Variants in CSMD2 observed in about 807,000 individuals in gnomAD.
CSMD2 encodes the protein CUB and Sushi multiple domains 2.
Under a neutral mutation model 398.5 loss-of-function variants are expected in CSMD2, and 130 were observed. The observed-to-expected ratio is 0.33, with a 90% CI of 0.28 to 0.38. The LOEUF is 0.38. Ranked by LOEUF, CSMD2 falls within the 10% of genes least tolerant of loss-of-function variation. The pLI is 1.00. For synonymous variants in CSMD2, 1,828 were observed against 1,908.5 expected, an observed-to-expected ratio of 0.96 and a Z score of 1.10; for missense variants, 3,829 against 4,764.9, an observed-to-expected ratio of 0.80 and a Z score of 5.78.
rs539911519 is a variant in CSMD2 at position 33,830,988 on chromosome 1, A to C, written c.1034-5214T>G. On this transcript the variant is annotated intron_variant, in intron 6 of 70. Transcript: ENST00000373381. ...AAAGAATAAAAAGAAACGAACAAAG[A>C]TTCCAAGAAATATGGGACTATGTGA... 2.9e-3 allele frequency among the ~76,000 whole-genome samples: 441 copies of C among 152,326 alleles called. 2 individuals are homozygous for C. The highest frequency in any genetic ancestry group is 9.8e-3 in the African/African-American group (407 of 41,572).
At chr1:33,731,188 A>G (rs912884139) in intron 15 of CSMD2, among the ~76,000 whole-genome samples, 2 of 152,232 alleles carry the variant, frequency 1.3e-5, no homozygotes, top group East Asian at 1.9e-4. Context: ...CAACTCATTA[A>G]TACAAAAACC....
Position 33,577,427 on chromosome 1 carries a change from C to T in CSMD2, c.7445G>A (p.Ser2482Asn). ...GTGGATGGAGCCCCCGGGCTGGGTG[C>T]TGGTCTGGCCTAGGATGAAGCCATG... Reference protein sequence around the residue: ...PLHGFILGQTSTQPGGSIHFG... With the variant: ...PLHGFILGQTNTQPGGSIHFG... Residue 2482 changes from serine (S) to asparagine (N), a missense_variant, in exon 49 of 71, where the codon AGC (serine) becomes AAC (asparagine). Ser to Asn is a conservative substitution (Grantham distance 46, BLOSUM62 1). Coordinates refer to ENST00000373381, the MANE Select transcript of CSMD2 (RefSeq NM_001281956.2). 6.2e-7 allele frequency: 1 copy of T among 1,614,076 alleles called. No individual in the cohort carries two copies.
At chr1:33,736,236 C>T (rs1646880377) in intron 15 of CSMD2, among the ~76,000 whole-genome samples, 1 of 152,152 alleles carries the variant, frequency 6.6e-6, no homozygotes, top group Non-Finnish European at 1.5e-5. Flanking sequence ...AAATAGTGAG[C>T]CGCGGGAGGC....
At chr1:33,557,438 AG>A (rs906449749) in intron 55 of CSMD2, among the ~76,000 whole-genome samples, 46 of 152,266 alleles carry the variant, frequency 3.0e-4, no homozygotes, top group Admixed American at 3.0e-3. Flanking sequence ...TTCTGAAAAA[AG>A]GGAACTCTGT....
At chr1:33,816,226 GA>G (rs1220864968) in intron 9 of CSMD2, among the ~76,000 whole-genome samples, 2 of 152,114 alleles carry the variant, frequency 1.3e-5, no homozygotes, top group Non-Finnish European at 2.9e-5. Context: ...AGCCACAAAG[GA>G]AAAATAATAT....
At chr1:34,153,525 C>A (rs1557439577) in intron 1 of CSMD2, among the ~76,000 whole-genome samples, 1 of 152,222 alleles carries the variant, frequency 6.6e-6, no homozygotes, top group Non-Finnish European at 1.5e-5. Context: ...GTGTAGCTGC[C>A]TCTCTTATGT....
intron 12 of CSMD2, among the ~76,000 whole-genome samples, chr1:33,775,934 C>G (rs1651907055): frequency 6.6e-6 from 1 of 152,088 alleles, no homozygotes; most frequent in Non-Finnish European, 1.5e-5. Context: ...AGATCAACAG[C>G]CTTGAATGCT....
chr1:33,913,236 C>A lies in CSMD2; in HGVS notation c.920+4858G>T, dbSNP rs550589102. ...AAGATAGTTCCAACAAAATCACTGT[C>A]CCCTCTTCTAACTTTTGCAAGGACA... On this transcript the variant is annotated intron_variant, in intron 5 of 70. Transcript: ENST00000373381. Among the ~76,000 whole-genome samples, 11 of 152,320 alleles carry A rather than the reference C, an allele frequency of 7.2e-5. 1 individual carries two copies. The South Asian group carries it at 2.3e-3, about 32-fold the overall frequency.
intron 56 of CSMD2, among the ~76,000 whole-genome samples, chr1:33,546,748 T>A (rs1399826875): frequency 6.6e-6 from 1 of 151,826 alleles, no homozygotes; most frequent in African/African-American, 2.4e-5. Context: ...TTTCAAAAAA[T>A]TTTTTCCTGC....
chr1:34,118,280 G>C (rs1441271329), intron 1 of CSMD2, among the ~76,000 whole-genome samples: 2 of 152,110 alleles, frequency 1.3e-5, no homozygotes, highest in Non-Finnish European at 1.5e-5. Flanking sequence ...ATATAGTAAA[G>C]ACCATATATA....
chr1:33,782,482 T>C (rs1237104025), intron 12 of CSMD2, among the ~76,000 whole-genome samples: 1 of 152,026 alleles, frequency 6.6e-6, no homozygotes, highest in Non-Finnish European at 1.5e-5. Flanking sequence ...TTCAGGCTCA[T>C]TGATGGGGAG....
Position 33,594,921 on chromosome 1 carries a change from T to C in CSMD2, c.6856+5944A>G, listed in dbSNP as rs1242452709. 2.0e-5 allele frequency among the ~76,000 whole-genome samples: 3 copies of C among 152,222 alleles called. No homozygotes were observed. The East Asian group carries it at 5.8e-4, about 29-fold the overall frequency. ...GTTGGAAGTATAGTACAAAAATCTTTTTCCATGAACCGTTTGCAAGTAAGT... is the reference window on the plus strand; with the variant it reads ...GTTGGAAGTATAGTACAAAAATCTTCTTCCATGAACCGTTTGCAAGTAAGT... On this transcript the variant is annotated intron_variant, in intron 44 of 70. Transcript: ENST00000373381.
intron 1 of CSMD2, among the ~76,000 whole-genome samples, chr1:34,142,434 C>T (rs1459161764): frequency 2.0e-5 from 3 of 152,170 alleles, no homozygotes; most frequent in Admixed American, 1.3e-4. Context: ...GCTGCAAGCA[C>T]CTTACAAGCC....
intron 40 of CSMD2, among the ~76,000 whole-genome samples, chr1:33,612,539 T>C (rs1641078231): frequency 6.6e-6 from 1 of 152,232 alleles, no homozygotes. Flanking sequence ...TTTTTCAAGG[T>C]CTATCCATGT....
rs1641498126 is a variant in CSMD2, at chr1:34,163,025, G to A, written c.187+1886C>T. Among the ~76,000 whole-genome samples, 1 of 152,240 alleles carries A rather than the reference G, an allele frequency of 6.6e-6. No homozygotes were observed. The highest frequency in any genetic ancestry group is 2.1e-4 in the South Asian group (1 of 4,828). On this transcript the variant is annotated intron_variant, in intron 1 of 70. Coordinates refer to ENST00000373381, the MANE Select transcript of CSMD2 (RefSeq NM_001281956.2). The surrounding 1 kb of genome is among the most constrained non-coding windows in gnomAD (Gnocchi z 5.4). ...AGCTGCGAGCAAATGGATCTCTATA[G>A]GGCAGGATTCCAGCACCGCTGAGCG...
chr1:33,801,034 C>T lies in CSMD2; in HGVS notation c.1447-8508G>A, dbSNP rs141863146. On this transcript the variant is annotated intron_variant, in intron 10 of 70. Coordinates refer to ENST00000373381, the MANE Select transcript of CSMD2 (RefSeq NM_001281956.2). ...ATTTGCACTAGCTGCCGATCACCTG[C>T]CTGGAGAATTAATTCTCAGTTCTTC... 2.0e-3 allele frequency among the ~76,000 whole-genome samples: 312 copies of T among 152,254 alleles called. 3 individuals carry two copies. In the South Asian group the frequency reaches 0.022, roughly 11 times the overall value.
intron 6 of CSMD2, among the ~76,000 whole-genome samples, chr1:33,842,821 T>C (rs1003383696): frequency 1.3e-5 from 2 of 152,216 alleles, no homozygotes; most frequent in Non-Finnish European, 2.9e-5. Flanking sequence ...TGGAGGGCCA[T>C]AGAAAGGCAG....
chr1:33,529,202 G>A (rs561912639), intron 64 of CSMD2, among the ~76,000 whole-genome samples: 75 of 152,300 alleles, frequency 4.9e-4, no homozygotes, highest in African/African-American at 1.7e-3. Flanking sequence ...GTGCAGTGGT[G>A]TAATCATAGC....
chr1:34,112,955 G>A (rs1219620438), intron 1 of CSMD2: 3 of 152,246 alleles, frequency 2.0e-5, no homozygotes, highest in Admixed American at 2.0e-4. Flanking sequence ...AGAGATCTAC[G>A]GCCATACCAC....
Sources: allele counts gnomAD v4.1 joint callset (sites outside exome capture counted in the v4.1 genomes callset), GRCh38; gene constraint gnomAD v4.1.1; non-coding constraint Gnocchi (gnomAD v3.1); transcripts MANE v1.5; gene names NCBI Gene and HGNC (gene_info 2026-07-23, HGNC 2026-07-21).